The following CPA6 variants were observed in gnomAD, a reference collection of about 807,000 sequenced individuals.
The protein encoded by CPA6 is carboxypeptidase A6.
In CPA6, 58 loss-of-function variants were observed where a neutral mutation model predicts 63.3. The ratio of observed to expected loss-of-function variants is 0.92; its 90% CI spans 0.74 to 1.14. The LOEUF (loss-of-function observed/expected upper bound fraction) is 1.14. Among genes scored for constraint, CPA6 ranks in the 50% most tolerant of loss-of-function variants. The pLI is 0.00. For synonymous variants in CPA6, 185 were observed against 179.0 expected (o/e 1.03, Z -0.27); for missense variants, 565 against 526.6 (o/e 1.07, Z -0.71).
chr8:67,731,566 C>T (rs918050564), intron 1 of CPA6, among the ~76,000 whole-genome samples: 7 of 152,244 alleles, frequency 4.6e-5, no homozygotes, highest in Non-Finnish European at 7.3e-5. Context: ...GAGGACTCTT[C>T]AAACCACATT....
chr8:67,679,226 A>C (rs2128995644), intron 1 of CPA6, among the ~76,000 whole-genome samples: 1 of 152,354 alleles, frequency 6.6e-6, no homozygotes, highest in South Asian at 2.1e-4. Context: ...ATTACAAAAC[A>C]AAAGCCCCGA....
chr8:67,689,251 A>T (rs1816768198), intron 1 of CPA6, among the ~76,000 whole-genome samples: 1 of 148,570 alleles, frequency 6.7e-6, no homozygotes, highest in Admixed American at 6.7e-5. Flanking sequence ...CCCACGTAGA[A>T]CTTCAGATAT....
intron 1 of CPA6, among the ~76,000 whole-genome samples, chr8:67,711,647 GTGTGGTATATGTATGCA>G (rs1055398854): frequency 2.6e-5 from 4 of 151,518 alleles, no homozygotes; most frequent in African/African-American, 4.9e-5. Context: ...TGTGGTATGT[GTGTGGTATATGTATGCA>G]TGTGGTATAT....
intron 1 of CPA6, among the ~76,000 whole-genome samples, chr8:67,639,950 T>C (rs781489054): frequency 7.9e-5 from 12 of 151,324 alleles, no homozygotes; most frequent in Non-Finnish European, 4.4e-5. Flanking sequence ...GGGTAGCTAC[T>C]CTCTGTAGCT....
At chr8:67,570,191 A>T (rs1375206007) in intron 2 of CPA6, 1 of 152,310 alleles carries the variant, frequency 6.6e-6, no homozygotes, top group Non-Finnish European at 1.5e-5. Context: ...TTCCTGTTAG[A>T]TAAAAAGGAA....
rs765715315 is a variant in CPA6 at position 67,446,263 on chromosome 8, T to TA, written c.839-12024dup. The stretch of plus-strand genomic sequence containing the variant: ...CTGGGAGACAGAGCGAGACTCCATC[T>TA]AAAAAAAAAAAAAAAAGTAGTCATT... On this transcript the variant is annotated intron_variant, in intron 8 of 10. Transcript: ENST00000297770. Among the ~76,000 whole-genome samples the TA allele has an allele frequency of 3.7e-3, 498 of 133,068 alleles. 1 individual carries two copies. Among genetic ancestry groups the TA allele is most frequent in the African/African-American group, 9.4e-3 (340 of 36,180 alleles). The allele number at this position is 133,068 out of a possible 152,430, so 87.3% of individuals were successfully genotyped here.
chr8:67,510,182 C>T (rs1278733773), intron 4 of CPA6, among the ~76,000 whole-genome samples: 2 of 152,034 alleles, frequency 1.3e-5, no homozygotes, highest in African/African-American at 2.4e-5. Flanking sequence ...TTGCATTGAT[C>T]CATTCATATA....
intron 1 of CPA6, among the ~76,000 whole-genome samples, chr8:67,680,854 A>T (rs192954049): frequency 6.6e-6 from 1 of 152,278 alleles, no homozygotes. Context: ...TATAATTTGC[A>T]TTACTCTAAT....
chr8:67,582,130 G>A (rs1178503786), intron 2 of CPA6, among the ~76,000 whole-genome samples: 1 of 152,152 alleles, frequency 6.6e-6, no homozygotes, highest in African/African-American at 2.4e-5. Context: ...AGAAATAAAA[G>A]GTGAACAGCT....
At chr8:67,435,312 G>T (rs1810125152) in intron 8 of CPA6, among the ~76,000 whole-genome samples, 1 of 152,052 alleles carries the variant, frequency 6.6e-6, no homozygotes, top group African/African-American at 2.4e-5. Context: ...TTTACCTGCA[G>T]TTTCTTCCCA....
chr8:67,558,856 C>T (rs1813131127), intron 2 of CPA6, among the ~76,000 whole-genome samples: 1 of 152,102 alleles, frequency 6.6e-6, no homozygotes, highest in Non-Finnish European at 1.5e-5. Context: ...CATAAATAAG[C>T]CCTGAGTACT....
intron 2 of CPA6, among the ~76,000 whole-genome samples, chr8:67,594,541 T>G (rs1245524783): frequency 6.6e-6 from 1 of 152,200 alleles, no homozygotes; most frequent in African/African-American, 2.4e-5. Flanking sequence ...GCAGATTTGG[T>G]CTTTTCACGT....
At chr8:67,630,736 G>C (rs1420196497) in intron 1 of CPA6, among the ~76,000 whole-genome samples, 2 of 152,214 alleles carry the variant, frequency 1.3e-5, no homozygotes, top group African/African-American at 4.8e-5. Flanking sequence ...GAGAGGCACG[G>C]GCAGGAACCA....
intron 2 of CPA6, among the ~76,000 whole-genome samples, chr8:67,526,690 A>T (rs180694212): frequency 1.3e-5 from 2 of 152,226 alleles, no homozygotes; most frequent in Middle Eastern, 3.4e-3. Flanking sequence ...TTTAGAGGCT[A>T]TGAGAGGAAG....
At chr8:67,539,795 T>C (rs559681123) in intron 2 of CPA6, among the ~76,000 whole-genome samples, 1 of 152,306 alleles carries the variant, frequency 6.6e-6, no homozygotes. Context: ...AATTCAGCTA[T>C]TGATAGTTTT....
At chr8:67,475,932 T>C (rs866793944) in intron 8 of CPA6, among the ~76,000 whole-genome samples, 2 of 77,100 alleles carry the variant, frequency 2.6e-5, no homozygotes, top group African/African-American at 6.3e-5. Context: ...CTTTCTTTCT[T>C]TCTCTTTCTT....
chr8:67,698,719 T>C (rs1263347570), intron 1 of CPA6, among the ~76,000 whole-genome samples: 1 of 152,240 alleles, frequency 6.6e-6, no homozygotes, highest in African/African-American at 2.4e-5. Flanking sequence ...GACAGTTATG[T>C]ATTTTTTAAA....
intron 8 of CPA6, among the ~76,000 whole-genome samples, chr8:67,449,224 C>T (rs1417327378): frequency 6.6e-6 from 1 of 152,166 alleles, no homozygotes; most frequent in Non-Finnish European, 1.5e-5. Flanking sequence ...TGCACTCCAG[C>T]CTGGGTGACA....
chr8:67,474,718 G>A (rs1298947328), intron 8 of CPA6, among the ~76,000 whole-genome samples: 1 of 152,132 alleles, frequency 6.6e-6, no homozygotes, highest in Non-Finnish European at 1.5e-5. Flanking sequence ...GCTCACATCT[G>A]TAATCCCAGC....
Sources: gnomAD v4.1 joint callset for allele counts (sites outside exome capture counted in the v4.1 genomes callset) on GRCh38, gnomAD v4.1.1 for gene constraint, MANE v1.5 for transcripts, NCBI Gene and HGNC (gene_info 2026-07-23, HGNC 2026-07-21) for gene names.